The following CCSER1 variants were observed in gnomAD, a reference collection of about 807,000 sequenced individuals.
The protein encoded by CCSER1 is serine-rich coiled-coil domain-containing protein 1.
CCSER1 carries 41 observed loss-of-function variants against 82.0 expected under a neutral mutation model. That is an observed-to-expected ratio of 0.50 (90% CI 0.39 to 0.65). The LOEUF is 0.65. Ranked by LOEUF, CCSER1 falls within the 30% of genes least tolerant of loss-of-function variation. The pLI, the probability that CCSER1 is intolerant of heterozygous loss-of-function variation, is 0.00. For synonymous variants in CCSER1, 414 were observed against 383.9 expected (o/e 1.08, Z -0.92); for missense variants, 1,119 against 1,064.2 (o/e 1.05, Z -0.72).
intron 9 of CCSER1, among the ~76,000 whole-genome samples, chr4:90,949,917 T>TA (rs749129159): frequency 3.9e-5 from 6 of 151,974 alleles, no homozygotes; most frequent in Non-Finnish European, 7.4e-5. Context: ...CTAAAAAGGA[T>TA]AAAAAACTTG....
intron 1 of CCSER1, among the ~76,000 whole-genome samples, chr4:90,238,661 C>T (rs374296260): frequency 1.3e-5 from 2 of 152,022 alleles, no homozygotes; most frequent in South Asian, 2.1e-4. Flanking sequence ...CCCCTCAACT[C>T]GTGCGCACAT....
intron 10 of CCSER1, among the ~76,000 whole-genome samples, chr4:91,138,985 G>A (rs189374402): frequency 9.2e-5 from 14 of 152,148 alleles, no homozygotes; most frequent in Non-Finnish European, 2.1e-4. Flanking sequence ...TCACCCAGGT[G>A]GTGAGCATAG....
At chr4:90,302,641 A>AT (rs1262804613) in intron 1 of CCSER1, among the ~76,000 whole-genome samples, 2 of 151,806 alleles carry the variant, frequency 1.3e-5, no homozygotes, top group Non-Finnish European at 2.9e-5. Flanking sequence ...TCTCTATGAA[A>AT]TTTTTTTTAA....
intron 5 of CCSER1, among the ~76,000 whole-genome samples, chr4:90,542,093 T>C (rs1482695020): frequency 6.6e-6 from 1 of 152,098 alleles, no homozygotes. Flanking sequence ...TCAGATTTTA[T>C]AACAATTTGT....
At chr4:91,123,000 A>G (rs1297930929) in intron 10 of CCSER1, among the ~76,000 whole-genome samples, 3 of 151,762 alleles carry the variant, frequency 2.0e-5, no homozygotes, top group Non-Finnish European at 4.4e-5. Context: ...ATTTTCATAT[A>G]GGGCAGAATA....
intron 10 of CCSER1, among the ~76,000 whole-genome samples, chr4:91,519,670 T>A (rs1760345050): frequency 6.6e-6 from 1 of 152,168 alleles, no homozygotes; most frequent in African/African-American, 2.4e-5. Context: ...ATTGAAGAAA[T>A]GTGGGTCCTT....
Position 91,598,826 on chromosome 4 carries a change from C to T in CCSER1, c.2472C>T (p.Thr824=). The change falls in exon 11 of 11, where the codon ACC becomes ACT. Residue 824 remains threonine, a synonymous_variant. Coordinates refer to ENST00000509176, the MANE Select transcript of CCSER1 (RefSeq NM_001145065.2). The part of the protein sequence containing the change: ...TSDVTQNLRA[T]VGQSSLKPTA... ...ACGTTACACAGAACTTACGGGCCAC[C>T]GTTGGGCAGAGCTCTCTGAAGCCAA... 6.4e-7 allele frequency: 1 copy of T among 1,551,612 alleles called. No individual in the cohort carries two copies. The highest frequency in any genetic ancestry group is 1.2e-5 in the South Asian group (1 of 84,062).
At chr4:90,456,943 G>A (rs1434666196) in intron 4 of CCSER1, among the ~76,000 whole-genome samples, 1 of 152,180 alleles carries the variant, frequency 6.6e-6, no homozygotes. Flanking sequence ...CACTGGACTT[G>A]ATTTGCTCAC....
At chr4:90,601,436 C>T (rs1193385524) in intron 5 of CCSER1, among the ~76,000 whole-genome samples, 2 of 151,932 alleles carry the variant, frequency 1.3e-5, no homozygotes, top group Admixed American at 1.3e-4. Flanking sequence ...CTTTTCTCTC[C>T]CTCCCCTCCG....
At chr4:90,976,080 A>G (rs886901184) in intron 9 of CCSER1, among the ~76,000 whole-genome samples, 3 of 151,256 alleles carry the variant, frequency 2.0e-5, no homozygotes, top group Non-Finnish European at 4.4e-5. Context: ...AAATTGGTTC[A>G]GTTTGCTCTA....
intron 8 of CCSER1, among the ~76,000 whole-genome samples, chr4:90,854,305 G>A (rs990216067): frequency 1.1e-4 from 16 of 152,310 alleles, no homozygotes; most frequent in African/African-American, 3.1e-4. Flanking sequence ...AGGATAGTGA[G>A]CTGGAAGGTA....
At chr4:91,265,190 A>G (rs577352398) in intron 10 of CCSER1, among the ~76,000 whole-genome samples, 2 of 152,182 alleles carry the variant, frequency 1.3e-5, no homozygotes, top group South Asian at 2.1e-4. Context: ...AAAATTTGAT[A>G]TCAGTATTTG....
intron 10 of CCSER1, among the ~76,000 whole-genome samples, chr4:91,456,292 A>G (rs1243819503): frequency 6.6e-6 from 1 of 152,026 alleles, no homozygotes; most frequent in Non-Finnish European, 1.5e-5. Flanking sequence ...TACCTCCCAA[A>G]GGTCTCATTT....
In CCSER1 at chr4:90,457,407, A is replaced by G. The variant is rs1350569764; in HGVS notation, c.1604-10827A>G. On this transcript the variant is annotated intron_variant, in intron 4 of 10. Coordinates refer to ENST00000509176, the MANE Select transcript of CCSER1 (RefSeq NM_001145065.2). ...TGTTTCAGCCCTGTTTGTGCCATTCAGCAGGTCCCAAGTACTTGTCTTGTT... is the reference window on the plus strand; with the variant it reads ...TGTTTCAGCCCTGTTTGTGCCATTCGGCAGGTCCCAAGTACTTGTCTTGTT... 4.6e-5 allele frequency among the ~76,000 whole-genome samples: 7 copies of G among 152,118 alleles called. No individual in the cohort carries two copies. In the East Asian group the frequency reaches 1.4e-3, roughly 29 times the overall value.
At chr4:91,217,225 G>A (rs1264864581) in intron 10 of CCSER1, among the ~76,000 whole-genome samples, 1 of 152,186 alleles carries the variant, frequency 6.6e-6, no homozygotes. Flanking sequence ...GTGTGGAAAG[G>A]GACCCGAGCG....
chr4:90,601,395 A>T (rs1784023264), intron 5 of CCSER1, among the ~76,000 whole-genome samples: 1 of 151,990 alleles, frequency 6.6e-6, no homozygotes, highest in African/African-American at 2.4e-5. Flanking sequence ...AGGAATGAAT[A>T]TTGGAAAAAA....
chr4:91,035,870 A>G (rs1247645524), intron 9 of CCSER1, among the ~76,000 whole-genome samples: 1 of 152,202 alleles, frequency 6.6e-6, no homozygotes, highest in Non-Finnish European at 1.5e-5. Flanking sequence ...TAAGGATTTA[A>G]TAATAAAAAC....
chr4:91,103,361 A>T (rs984613263), intron 10 of CCSER1, among the ~76,000 whole-genome samples: 1 of 152,262 alleles, frequency 6.6e-6, no homozygotes, highest in Middle Eastern at 3.4e-3. Flanking sequence ...CTTCCCAGTG[A>T]TCACCACATC....
At position 90,611,992 on chromosome 4, in the gene CCSER1, A is replaced by G. The variant is rs139853079; in HGVS notation, c.1725-16033A>G. Among the ~76,000 whole-genome samples the G allele has an allele frequency of 3.6e-4, 54 of 151,712 alleles. 2 individuals carry two copies. In the East Asian group the frequency reaches 0.01, roughly 29 times the overall value. On this transcript the variant is annotated intron_variant, in intron 5 of 10. Transcript: ENST00000509176. ...CTGACTTTTTACACTCTTTCTTAATATATCTCTTTTATTTACCTTATTTTC... is the reference window on the plus strand; with the variant it reads ...CTGACTTTTTACACTCTTTCTTAATGTATCTCTTTTATTTACCTTATTTTC...
Sources: allele counts gnomAD v4.1 joint callset (sites outside exome capture counted in the v4.1 genomes callset), GRCh38; gene constraint gnomAD v4.1.1; transcripts MANE v1.5; gene names NCBI Gene and HGNC (gene_info 2026-07-23, HGNC 2026-07-21).